Variants in MYRFL observed in about 807,000 individuals in gnomAD.
MYRFL encodes myelin regulatory factor like, also known as myelin regulatory factor-like protein.
A neutral mutation model predicts 109.4 loss-of-function variants in MYRFL; 88 were observed. The ratio of observed to expected loss-of-function variants is 0.80; its 90% CI spans 0.68 to 0.96. The LOEUF (loss-of-function observed/expected upper bound fraction) is 0.96, where lower values mean the gene tolerates loss of function less well. Among genes scored for constraint, MYRFL ranks in the 40% least tolerant of loss-of-function variants. The probability of loss-of-function intolerance (pLI) is 0.00; values close to 1 mark genes in which losing one functional copy is unlikely to be tolerated. For synonymous variants in MYRFL, 324 were observed against 320.9 expected, an observed-to-expected ratio of 1.01 and a Z score of -0.10; for missense variants, 957 against 954.9, an observed-to-expected ratio of 1.00 and a Z score of -0.03.
At position 69,879,103 on chromosome 12, in the gene MYRFL, C is replaced by T. The variant is rs561521301; in HGVS notation, c.205+8C>T. On this transcript the variant is annotated splice_region_variant and intron_variant, in intron 3 of 24. Transcript: ENST00000552032. ...CTCCTCCGCAGGTCAAAGGTGAGTG[C>T]GATCCACCTTCAGCACATCTGGCAC... 1.6e-4 allele frequency: 114 copies of T among 702,970 alleles called. 2 individuals are homozygous for T. Among genetic ancestry groups the T allele is most frequent in the South Asian group, 1.6e-3 (107 of 67,586 alleles). 43.5% of individuals were successfully genotyped at this position (702,970 alleles called of 1,614,324 possible). A position where few individuals can be genotyped will look rare whatever the true frequency, so the allele number is the denominator to read the frequency against.
intron 22 of MYRFL, among the ~76,000 whole-genome samples, chr12:69,957,271 A>G (rs1170645193): frequency 6.6e-6 from 1 of 152,220 alleles, no homozygotes; most frequent in Non-Finnish European, 1.5e-5. Context: ...ATTTTAAACA[A>G]TATCTGCCTA....
chr12:69,858,955 G>T (rs1008262884), intron 2 of MYRFL, among the ~76,000 whole-genome samples: 2 of 151,790 alleles, frequency 1.3e-5, no homozygotes, highest in Admixed American at 1.3e-4. Flanking sequence ...GTTAAACTTT[G>T]TTTTCTGATT....
At chr12:69,915,019 T>C (rs909562586) in intron 13 of MYRFL, among the ~76,000 whole-genome samples, 1 of 152,166 alleles carries the variant, frequency 6.6e-6, no homozygotes, top group Non-Finnish European at 1.5e-5. Context: ...ATAGACTTTG[T>C]TTGCTAGTTT....
At chr12:69,837,359 A>G (rs577494320) in intron 1 of MYRFL, among the ~76,000 whole-genome samples, 11 of 152,272 alleles carry the variant, frequency 7.2e-5, no homozygotes, top group Non-Finnish European at 1.5e-4. Context: ...TCTTCAGGAC[A>G]GAGTCAAAGT....
chr12:69,893,911 A>G (rs574462473), intron 8 of MYRFL, 71 bp downstream of exon 8: 3 of 477,678 alleles, frequency 6.3e-6, no homozygotes, highest in African/African-American at 2.1e-5. Flanking sequence ...TTTTATATAT[A>G]TATAATTTTA....
intron 1 of MYRFL, among the ~76,000 whole-genome samples, chr12:69,833,654 AGG>A (rs1882766813): frequency 6.6e-6 from 1 of 152,298 alleles, no homozygotes; most frequent in East Asian, 1.9e-4. Context: ...ACTTTGCCCA[AGG>A]TAGCACAGCT....
intron 1 of MYRFL, among the ~76,000 whole-genome samples, chr12:69,846,133 T>TTTTA (rs869303339): frequency 1.6e-5 from 2 of 124,482 alleles, no homozygotes; most frequent in Admixed American, 1.7e-4. Context: ...TTTTTTTTTT[T>TTTTA]ATGACTGCCA....
intron 2 of MYRFL, among the ~76,000 whole-genome samples, chr12:69,859,715 A>G (rs916628020): frequency 6.6e-6 from 1 of 152,202 alleles, no homozygotes. Flanking sequence ...CAAAACCACA[A>G]TGAGATACCA....
chr12:69,958,630 A>ACAT lies in MYRFL; in HGVS notation c.*100_*102dup, dbSNP rs74464130. ...CAACTTCTTTTTTCTTCTTTGTAAAACATTTACGTTTATTGCTGAAGGACT... is the reference window on the plus strand; with the variant it reads ...CAACTTCTTTTTTCTTCTTTGTAAAACATCATTTACGTTTATTGCTGAAGGACT... On this transcript the variant is annotated 3_prime_UTR_variant, in exon 25 of 25. Transcript: ENST00000552032. The ACAT allele has an allele frequency of 0.12, 108,139 of 889,276 alleles. 10,912 individuals are homozygous for ACAT. Among genetic ancestry groups the ACAT allele is most frequent in the East Asian group, 0.49 (18,188 of 36,894 alleles). 55.1% of individuals were successfully genotyped at this position (889,276 alleles called of 1,614,324 possible).
At chr12:69,903,525 C>A (rs1954256016) in intron 10 of MYRFL, 119 bp from the exon 11 acceptor site, 3 of 1,135,770 alleles carry the variant, frequency 2.6e-6, no homozygotes, top group Admixed American at 4.8e-5. Flanking sequence ...CCACTCAATA[C>A]AGGATTCTCT....
chr12:69,926,599 C>T lies in MYRFL; in HGVS notation c.1631C>T (p.Ala544Val). The change falls in exon 14 of 25, where the codon GCA (alanine) becomes GTA (valine). Residue 544 changes from alanine to valine, a missense_variant. By Grantham distance (64) the Ala-to-Val change is moderately conservative. Coordinates refer to ENST00000552032, the MANE Select transcript of MYRFL (RefSeq NM_182530.3). ...CAGATCTTTATGGAAAATGTAGGTG[C>T]AGTGAAGCAACTGTGCAAACTAACT... ...KDQIFMENVG[A>V]VKQLCKLTNN... is the part of the protein sequence containing the mutation. 6.6e-7 allele frequency: 1 copy of T among 1,516,266 alleles called. No individual in the cohort carries two copies. The highest frequency in any genetic ancestry group is 8.8e-7 in the Non-Finnish European group (1 of 1,138,180). The allele number at this position is 1,516,266 out of a possible 1,614,324, so 93.9% of individuals were successfully genotyped here. A position where few individuals can be genotyped will look rare whatever the true frequency, so the allele number is the denominator to read the frequency against.
intron 1 of MYRFL, among the ~76,000 whole-genome samples, chr12:69,835,572 T>C (rs1338758700): frequency 1.3e-5 from 2 of 152,220 alleles, no homozygotes; most frequent in African/African-American, 2.4e-5. Flanking sequence ...TTACTGCCCT[T>C]GTTCCTATCT....
At chr12:69,939,605 G>C (rs1955579758) in intron 19 of MYRFL, among the ~76,000 whole-genome samples, 1 of 152,166 alleles carries the variant, frequency 6.6e-6, no homozygotes, top group African/African-American at 2.4e-5. Context: ...AAACAGAACA[G>C]AAAAACTGGA....
At chr12:69,940,539 G>A (rs1279515681) in intron 19 of MYRFL, among the ~76,000 whole-genome samples, 1 of 151,790 alleles carries the variant, frequency 6.6e-6, no homozygotes, top group Non-Finnish European at 1.5e-5. Flanking sequence ...CCCTAAAAGA[G>A]CTCCTGAAGG....
chr12:69,888,408 TTAAG>T (rs1367452692), intron 6 of MYRFL, among the ~76,000 whole-genome samples: 1 of 152,238 alleles, frequency 6.6e-6, no homozygotes, highest in Non-Finnish European at 1.5e-5. Context: ...TATCATTTTC[TTAAG>T]TAACCTAAAA....
intron 7 of MYRFL, among the ~76,000 whole-genome samples, chr12:69,893,070 C>A (rs189783448): frequency 6.6e-6 from 1 of 152,204 alleles, no homozygotes; most frequent in East Asian, 1.9e-4. Context: ...AACATCCACC[C>A]ACCTTTGCAT....
intron 7 of MYRFL, among the ~76,000 whole-genome samples, chr12:69,891,690 GTTCGTTCT>G (rs1886910606): frequency 2.2e-5 from 1 of 44,648 alleles, no homozygotes; most frequent in Non-Finnish European, 4.8e-5. Flanking sequence ...TCTTTCGTTC[GTTCGTTCT>G]TTCTTTCTTT....
At chr12:69,826,465 A>G (rs1882285112) in intron 1 of MYRFL, among the ~76,000 whole-genome samples, 1 of 152,090 alleles carries the variant, frequency 6.6e-6, no homozygotes. Context: ...CATTGCATCT[A>G]TTTTAGAGAA....
Position 69,910,304 on chromosome 12 carries a change from A to G in MYRFL, c.1492+227A>G, listed in dbSNP as rs1362132153. On this transcript the variant is annotated intron_variant, in intron 12 of 24. Coordinates refer to ENST00000552032, the MANE Select transcript of MYRFL (RefSeq NM_182530.3). ...CCAAGGTACTGGTGGTGTAGGTTGA[A>G]TATATAGTTTCTTTGCACAGGAGTC... Among the ~76,000 whole-genome samples the G allele has an allele frequency of 2.0e-5, 3 of 152,216 alleles. No individual in the cohort carries two copies. In the East Asian group the frequency reaches 5.8e-4, roughly 29 times the overall value.
Sources: allele counts gnomAD v4.1 joint callset (sites outside exome capture counted in the v4.1 genomes callset), GRCh38; gene constraint gnomAD v4.1.1; transcripts MANE v1.5; gene names NCBI Gene and HGNC (gene_info 2026-07-23, HGNC 2026-07-21).